C9: variants seen among roughly 807,000 people sequenced by gnomAD.
C9 encodes the protein complement component C9.
C9 carries 63 observed loss-of-function variants against 65.4 expected under a neutral mutation model. The ratio of observed to expected loss-of-function variants is 0.96; its 90% confidence interval spans 0.79 to 1.19. C9 has a LOEUF of 1.19. C9 is among the 50% of genes most tolerant of loss of function. The pLI, the probability that C9 is intolerant of heterozygous loss-of-function variation, is 0.00. For synonymous variants in C9, 229 were observed against 227.9 expected, an observed-to-expected ratio of 1.00 and a Z score of -0.04; for missense variants, 744 against 670.1, an observed-to-expected ratio of 1.11 and a Z score of -1.22.
chr5:39,345,737 G>T (rs560080841), intron 1 of C9, among the ~76,000 whole-genome samples: 17 of 152,156 alleles, frequency 1.1e-4, no homozygotes, highest in African/African-American at 4.1e-4. Flanking sequence ...GCACCACATC[G>T]CACTTATCTC....
At chr5:39,335,830 G>A (rs1042394063) in intron 4 of C9, among the ~76,000 whole-genome samples, 5 of 151,866 alleles carry the variant, frequency 3.3e-5, no homozygotes, top group African/African-American at 1.2e-4. Flanking sequence ...TTTGATATGG[G>A]TTTTGAGGGG....
intron 1 of C9, among the ~76,000 whole-genome samples, chr5:39,357,849 A>G (rs114951824): frequency 1.2e-4 from 19 of 152,342 alleles, no homozygotes; most frequent in African/African-American, 4.6e-4. Flanking sequence ...GTAACACTGT[A>G]TGAATTTTAA....
At chr5:39,358,532 C>A (rs1754448330) in intron 1 of C9, among the ~76,000 whole-genome samples, 1 of 152,056 alleles carries the variant, frequency 6.6e-6, no homozygotes, top group Admixed American at 6.6e-5. Context: ...AGAAGTAACA[C>A]AAGTTTGTGT....
Position 39,342,131 on chromosome 5 carries a change from C to T in C9, c.143G>A (p.Trp48Ter), listed in dbSNP as rs1041910675. 6.2e-7 allele frequency: 1 copy of T among 1,610,388 alleles called. No individual in the cohort carries two copies. The highest frequency in any genetic ancestry group is 8.5e-7 in the Non-Finnish European group (1 of 1,176,606). ...AGGATCGCATTGTGACCATTCACTC[C>T]AGGGGCTCATTCTGCAGTCTATGTG... The part of the protein sequence containing the change: ...ASHIDCRMSP[W>*]SEWSQCDPCL... The change falls in exon 2 of 11, where the codon TGG (tryptophan) becomes TAG (stop). Residue 48 changes from tryptophan to a stop codon, truncating the protein, a stop_gained. Coordinates refer to ENST00000263408, the MANE Select transcript of C9 (RefSeq NM_001737.5). LOFTEE classifies it high-confidence loss of function.
chr5:39,293,468 A>G (rs753059270), intron 9 of C9, among the ~76,000 whole-genome samples: 3 of 151,992 alleles, frequency 2.0e-5, no homozygotes, highest in African/African-American at 7.2e-5. Context: ...GGAGAAAAAT[A>G]ATAACATTAT....
intron 4 of C9, among the ~76,000 whole-genome samples, chr5:39,334,138 C>T (rs1220448729): frequency 0.021 from 3,200 of 149,076 alleles, 110 homozygotes; most frequent in African/African-American, 0.075. Flanking sequence ...AGCCTCTCTG[C>T]CCGGCCGCCA....
chr5:39,289,852 A>T (rs990151514), intron 9 of C9, among the ~76,000 whole-genome samples: 11 of 151,956 alleles, frequency 7.2e-5, no homozygotes, highest in Admixed American at 7.2e-4. Flanking sequence ...CAATTTAGAC[A>T]GCAGGGAAAA....
chr5:39,340,561 C>G (rs545052731), intron 4 of C9, among the ~76,000 whole-genome samples: 1 of 152,290 alleles, frequency 6.6e-6, no homozygotes, highest in African/African-American at 2.4e-5. Context: ...AGCTTACAGC[C>G]ATCTGTCCAG....
At position 39,311,338 on chromosome 5, in the gene C9, C is replaced by A; in HGVS notation, c.910G>T (p.Gly304Ter). 1 of 1,612,668 alleles carries A rather than the reference C, an allele frequency of 6.2e-7. No homozygotes were observed. The highest frequency in any genetic ancestry group is 8.5e-7 in the Non-Finnish European group (1 of 1,178,924). ...FLHVKGEIHL[G>*]RFVMRNRDVV... ...TCGCGATTTCTCATTACAAATCTTC[C>A]CAGATGAATTTCTCCTTTCACATGC... The change falls in exon 7 of 11, where the codon GGA becomes TGA. Residue 304 changes from glycine to a stop codon, truncating the protein, a stop_gained. Coordinates refer to ENST00000263408, the MANE Select transcript of C9 (RefSeq NM_001737.5). LOFTEE classifies it high-confidence loss of function.
chr5:39,350,923 A>G (rs1754310847), intron 1 of C9, among the ~76,000 whole-genome samples: 1 of 152,124 alleles, frequency 6.6e-6, no homozygotes, highest in Non-Finnish European at 1.5e-5. Flanking sequence ...CTCAAACCTG[A>G]CACTTTTCCT....
At chr5:39,360,723 A>G (rs574378526) in intron 1 of C9, among the ~76,000 whole-genome samples, 1 of 152,344 alleles carries the variant, frequency 6.6e-6, no homozygotes, top group East Asian at 1.9e-4. Flanking sequence ...AGAGAAAGGC[A>G]AATTAAAACC....
intron 9 of C9, 81 bp downstream of exon 9, chr5:39,306,536 G>T: frequency 1.8e-6 from 2 of 1,101,492 alleles, no homozygotes; most frequent in East Asian, 2.4e-5. Flanking sequence ...TTCAGATGAA[G>T]CTAACAGTTC....
At chr5:39,305,207 T>C (rs1179126068) in intron 9 of C9, among the ~76,000 whole-genome samples, 2 of 152,182 alleles carry the variant, frequency 1.3e-5, no homozygotes, top group African/African-American at 4.8e-5. Context: ...TTTAATTTCA[T>C]ACATGGAATT....
Position 39,331,769 on chromosome 5 carries a change from A to T in C9, c.522T>A (p.Asn174Lys), listed in dbSNP as rs1753845029. Residue 174 changes from asparagine to lysine, a missense_variant, in exon 5 of 11, where the codon AAT becomes AAA. Transcript: ENST00000263408. Reference protein sequence around the residue: ...GMDPLSTPFDNEFYNGLCNRD... With the variant: ...GMDPLSTPFDKEFYNGLCNRD... ...GGTTACAGAGTCCATTGTAGAACTCATTGTCAAAAGGTGTGCTTAGGGGAT... is the reference window on the plus strand; with the variant it reads ...GGTTACAGAGTCCATTGTAGAACTCTTTGTCAAAAGGTGTGCTTAGGGGAT... The T allele has an allele frequency of 6.2e-7, 1 of 1,612,970 alleles. No homozygotes were observed. The highest frequency in any genetic ancestry group is 8.5e-7 in the Non-Finnish European group (1 of 1,179,020).
chr5:39,308,110 G>A (rs1753412379), intron 8 of C9, 120 bp downstream of exon 8: 5 of 942,488 alleles, frequency 5.3e-6, no homozygotes, highest in East Asian at 2.4e-5. Context: ...CGCTTTAAAT[G>A]TAAGATAGTT....
intron 1 of C9, among the ~76,000 whole-genome samples, chr5:39,346,090 C>A (rs1165907798): frequency 6.6e-6 from 1 of 152,100 alleles, no homozygotes; most frequent in East Asian, 1.9e-4. Flanking sequence ...AATTGACACC[C>A]TAACATCACA....
intron 9 of C9, among the ~76,000 whole-genome samples, chr5:39,305,518 C>T (rs935213560): frequency 1.3e-5 from 2 of 151,674 alleles, no homozygotes; most frequent in Non-Finnish European, 2.9e-5. Flanking sequence ...ATAAATGTGA[C>T]CTGAGGAAAG....
At chr5:39,354,829 G>A (rs962036317) in intron 1 of C9, among the ~76,000 whole-genome samples, 9 of 152,230 alleles carry the variant, frequency 5.9e-5, no homozygotes, top group Non-Finnish European at 7.4e-5. Context: ...ATAAATGAGT[G>A]AATAAGTGAG....
intron 1 of C9, among the ~76,000 whole-genome samples, chr5:39,356,952 A>G (rs568793968): frequency 6.6e-6 from 1 of 152,234 alleles, no homozygotes; most frequent in Non-Finnish European, 1.5e-5. Flanking sequence ...AAATGTGTTT[A>G]TCAAATAAAA....
Sources: allele counts gnomAD v4.1 joint callset (sites outside exome capture counted in the v4.1 genomes callset), GRCh38; gene constraint gnomAD v4.1.1; transcripts MANE v1.5; gene names NCBI Gene and HGNC (gene_info 2026-07-23, HGNC 2026-07-21).